Variants in PHYHD1 observed in about 807,000 individuals in gnomAD.
The protein encoded by PHYHD1 is phytanoyl-CoA dioxygenase domain containing 1.
A neutral mutation model predicts 43.6 loss-of-function variants in PHYHD1; 42 were observed. The observed-to-expected ratio is 0.96, with a 90% CI of 0.75 to 1.25. The LOEUF (loss-of-function observed/expected upper bound fraction) is 1.25. Ranked by LOEUF, PHYHD1 falls within the 50% of genes most tolerant of loss-of-function variation. The pLI, the probability that PHYHD1 is intolerant of heterozygous loss-of-function variation, is 0.00. For synonymous variants in PHYHD1, 139 were observed against 143.6 expected (o/e 0.97, Z 0.23); for missense variants, 342 against 370.8 (o/e 0.92, Z 0.64).
chr9:128,931,634 C>T (rs1243755987), intron 4 of PHYHD1, among the ~76,000 whole-genome samples: 2 of 152,194 alleles, frequency 1.3e-5, no homozygotes, highest in Non-Finnish European at 2.9e-5. Context: ...ACGCCATTCT[C>T]CTGCCTCAGC....
intron 8 of PHYHD1, 122 bp from the exon 9 acceptor site, chr9:128,937,635 T>C (rs1014450482): frequency 3.5e-6 from 4 of 1,128,846 alleles, no homozygotes; most frequent in African/African-American, 1.5e-5. Flanking sequence ...TAGCTGGGTG[T>C]TGATGTGGAA....
rs1841159734 is a variant in PHYHD1, at chr9:128,927,205, C to T, written c.192+9C>T. On this transcript the variant is annotated intron_variant, in intron 4 of 12. Transcript: ENST00000372592. ...AGCAGCTTCGAGCCCAGGTAGGTGT[C>T]TGGGGCACATGAGGATGGGATGTGG... 2 of 1,613,496 alleles carry T rather than the reference C, an allele frequency of 1.2e-6. No individual in the cohort carries two copies. Among genetic ancestry groups the T allele is most frequent in the South Asian group, 1.1e-5 (1 of 91,056 alleles).
At chr9:128,940,978 T>C (rs1255488438) in intron 11 of PHYHD1, among the ~76,000 whole-genome samples, 5 of 152,164 alleles carry the variant, frequency 3.3e-5, no homozygotes, top group African/African-American at 1.2e-4. Context: ...AGCCTTAATT[T>C]CCCCAAACGT....
chr9:128,938,429 GT>G (rs888787917), intron 9 of PHYHD1, among the ~76,000 whole-genome samples: 2 of 151,192 alleles, frequency 1.3e-5, no homozygotes, highest in Non-Finnish European at 3.0e-5. Context: ...TGTTTTTTGG[GT>G]TTTTTTTTGA....
intron 6 of PHYHD1, among the ~76,000 whole-genome samples, chr9:128,935,121 A>T (rs777440679): frequency 2.6e-5 from 4 of 152,020 alleles, no homozygotes; most frequent in Admixed American, 6.6e-5. Context: ...TAGGCTATTT[A>T]TTTTTTTAAA....
chr9:128,925,904 C>T (rs1387539384), intron 3 of PHYHD1, among the ~76,000 whole-genome samples: 1 of 152,192 alleles, frequency 6.6e-6, no homozygotes, highest in East Asian at 1.9e-4. Context: ...CGCTGCTGCT[C>T]CCAGACCCTT....
Position 128,940,667 on chromosome 9 carries a change from G to C in PHYHD1, c.655G>C (p.Glu219Gln). The C allele has an allele frequency of 6.2e-7, 1 of 1,614,126 alleles. No individual in the cohort carries two copies. The highest frequency in any genetic ancestry group is 8.5e-7 in the Non-Finnish European group (1 of 1,180,038). ...GCCTGGTACCAGCTTCCTTGGGTCA[G>C]AGCCAGCCCGGGATAACAGCCTCTT... Reference protein sequence around the residue: ...SAPGTSFLGSEPARDNSLFVP... With the variant: ...SAPGTSFLGSQPARDNSLFVP... The change falls in exon 11 of 13, where the codon GAG becomes CAG. Residue 219 changes from glutamate to glutamine, a missense_variant. By Grantham distance (29) the Glu-to-Gln change is conservative. Coordinates refer to ENST00000372592, the MANE Select transcript of PHYHD1 (RefSeq NM_001100876.2).
chr9:128,933,041 G>A (rs1367204458), intron 4 of PHYHD1, among the ~76,000 whole-genome samples: 12 of 148,224 alleles, frequency 8.1e-5, no homozygotes, highest in African/African-American at 3.0e-4. Flanking sequence ...TAGTAGAGAC[G>A]GGGATTTCAC....
At chr9:128,938,503 C>G (rs1372260118) in intron 9 of PHYHD1, among the ~76,000 whole-genome samples, 2 of 152,136 alleles carry the variant, frequency 1.3e-5, no homozygotes, top group African/African-American at 4.8e-5. Context: ...CTCACTACAA[C>G]TTCCGCCTCT....
intron 4 of PHYHD1, among the ~76,000 whole-genome samples, chr9:128,933,463 G>A (rs1053000055): frequency 2.6e-4 from 39 of 152,030 alleles, no homozygotes; most frequent in Non-Finnish European, 2.9e-5. Context: ...TTTTACAGAT[G>A]AGAAAATGAA....
Position 128,940,629 on chromosome 9 carries a change from C to T in PHYHD1, c.617C>T (p.Pro206Leu), listed in dbSNP as rs915051837. Residue 206 changes from proline to leucine, a missense_variant, in exon 11 of 13, where the codon CCT becomes CTT. By Grantham distance (98) the Pro-to-Leu change is moderately conservative (BLOSUM62 -3). Transcript: ENST00000372592. ...SGVSRRMVRA[P>L]VGSAPGTSFL... ...GTGTCAAGAAGGATGGTCCGGGCCC[C>T]TGTTGGCTCAGCGCCTGGTACCAGC... The T allele has an allele frequency of 1.2e-5, 20 of 1,614,070 alleles. No individual in the cohort carries two copies. The highest frequency in any genetic ancestry group is 1.4e-5 in the Non-Finnish European group (16 of 1,180,044).
intron 4 of PHYHD1, among the ~76,000 whole-genome samples, chr9:128,930,154 T>C (rs1841233892): frequency 6.6e-6 from 1 of 151,378 alleles, no homozygotes; most frequent in African/African-American, 2.4e-5. Flanking sequence ...GTGATGCACG[T>C]GTGTAATCCT....
intron 4 of PHYHD1, 30 bp from the exon 5 acceptor site, chr9:128,933,752 T>C: frequency 6.2e-7 from 1 of 1,606,252 alleles, no homozygotes; most frequent in Non-Finnish European, 8.5e-7. Context: ...CAGGATGCTG[T>C]CTCAGTCCTC....
At chr9:128,940,285 A>G in intron 9 of PHYHD1, 84 bp from the exon 10 acceptor site, 1 of 1,569,922 alleles carries the variant, frequency 6.4e-7, no homozygotes, top group Non-Finnish European at 8.7e-7. Flanking sequence ...GAGCACCCAG[A>G]GGACTGAGGA....
chr9:128,941,455 C>G lies in PHYHD1; in HGVS notation c.714C>G (p.Val238=), dbSNP rs17854841. 1 of 1,613,438 alleles carries G rather than the reference C, an allele frequency of 6.2e-7. No homozygotes were observed. Among genetic ancestry groups the G allele is most frequent in the Admixed American group, 1.7e-5 (1 of 59,982 alleles). The part of the protein sequence containing the change: ...VPTPVQRGAL[V]LIHGEVVHKS... ...TTGTGTCTCTGCCAGGGGCCCTGGT[C>G]CTCATCCATGGAGAAGTGGTACACA... The change falls in exon 12 of 13, where the codon GTC becomes GTG. Residue 238 remains valine, a synonymous_variant. Transcript: ENST00000372592.
At chr9:128,925,405 T>C (rs556434291) in intron 3 of PHYHD1, among the ~76,000 whole-genome samples, 109 of 151,922 alleles carry the variant, frequency 7.2e-4, no homozygotes, top group African/African-American at 2.5e-3. Flanking sequence ...TTTGTATTTT[T>C]AGTAGAGACA....
Position 128,926,840 on chromosome 9 carries a change from G to A in PHYHD1, c.34-198G>A, listed in dbSNP as rs17507775. ...ATTAGAGGCATGAGCCACTGCACCC[G>A]GCCTCACTACTTGTTCTTCCATTCA... On this transcript the variant is annotated intron_variant, in intron 3 of 12. Coordinates refer to ENST00000372592, the MANE Select transcript of PHYHD1 (RefSeq NM_001100876.2). 4,066 of 721,216 alleles carry A rather than the reference G, an allele frequency of 5.6e-3. 109 individuals carry two copies. The African/African-American group carries it at 0.059, about 10-fold the overall frequency. 44.7% of individuals were successfully genotyped at this position (721,216 alleles called of 1,614,324 possible).
intron 4 of PHYHD1, among the ~76,000 whole-genome samples, chr9:128,929,389 A>C (rs1388079937): frequency 4.6e-5 from 7 of 151,866 alleles, no homozygotes; most frequent in African/African-American, 7.3e-5. Flanking sequence ...ATTCATTTCA[A>C]GGGCCAGGAG....
Position 128,941,696 on chromosome 9 carries a change from C to T in PHYHD1, c.859C>T (p.Pro287Ser). Residue 287 changes from proline (P) to serine (S), a missense_variant, in exon 13 of 13, where the codon CCC (proline) becomes TCC (serine). By Grantham distance (74) the Pro-to-Ser change is moderately conservative. Coordinates refer to ENST00000372592, the MANE Select transcript of PHYHD1 (RefSeq NM_001100876.2). Reference sequence around the variant, plus strand: ...CCAGCCAACAGCTGAACTGCCCTTTCCCCAACTGTACACCTAAAGGCTCTC... The same window carrying T: ...CCAGCCAACAGCTGAACTGCCCTTTTCCCAACTGTACACCTAAAGGCTCTC... ...WLQPTAELPF[P>S]QLYT is the part of the protein sequence containing the mutation. 6.2e-7 allele frequency: 1 copy of T among 1,614,190 alleles called. No individual in the cohort carries two copies. The highest frequency in any genetic ancestry group is 8.5e-7 in the Non-Finnish European group (1 of 1,180,034).
Sources: gnomAD v4.1 joint callset for allele counts (sites outside exome capture counted in the v4.1 genomes callset) on GRCh38, gnomAD v4.1.1 for gene constraint, MANE v1.5 for transcripts, NCBI Gene and HGNC (gene_info 2026-07-23, HGNC 2026-07-21) for gene names.